The following CELF4 variants were observed in gnomAD, a reference collection of about 807,000 sequenced individuals.
CELF4 encodes CUGBP Elav-like family member 4.
CELF4 carries 18 observed loss-of-function variants against 59.9 expected under a neutral mutation model. The ratio of observed to expected loss-of-function variants is 0.30; its 90% confidence interval spans 0.21 to 0.45. CELF4 has a LOEUF of 0.45. Among genes scored for constraint, CELF4 ranks in the 20% least tolerant of loss-of-function variants. The probability of loss-of-function intolerance (pLI) is 1.00; values close to 1 mark genes in which losing one functional copy is unlikely to be tolerated. For missense variants in CELF4, 456 were observed against 689.0 expected, an observed-to-expected ratio of 0.66 and a Z score of 3.79; for synonymous variants, 261 against 267.1, an observed-to-expected ratio of 0.98 and a Z score of 0.22.
intron 1 of CELF4, among the ~76,000 whole-genome samples, chr18:37,486,602 C>T (rs903192610): frequency 6.6e-6 from 1 of 152,194 alleles, no homozygotes; most frequent in Non-Finnish European, 1.5e-5. Context: ...CTTGGGAGGC[C>T]TGCAAGGCTC....
chr18:37,419,231 T>C (rs982857571), intron 2 of CELF4, among the ~76,000 whole-genome samples: 1 of 152,206 alleles, frequency 6.6e-6, no homozygotes, highest in Non-Finnish European at 1.5e-5. Flanking sequence ...ATTACATGGA[T>C]TTTACAAATG....
At chr18:37,465,495 C>T (rs1159285766) in intron 2 of CELF4, among the ~76,000 whole-genome samples, 1 of 152,034 alleles carries the variant, frequency 6.6e-6, no homozygotes, top group African/African-American at 2.4e-5. Flanking sequence ...TGTACCAGCA[C>T]CTCAAAGGCC....
At chr18:37,458,279 A>G (rs1484691760) in intron 2 of CELF4, among the ~76,000 whole-genome samples, 1 of 152,114 alleles carries the variant, frequency 6.6e-6, no homozygotes, top group African/African-American at 2.4e-5. Context: ...TTCCACTGCC[A>G]TCCCTAGCAC....
chr18:37,320,122 G>T (rs1029360243), intron 3 of CELF4, among the ~76,000 whole-genome samples: 3 of 152,090 alleles, frequency 2.0e-5, no homozygotes, highest in Admixed American at 2.0e-4. Flanking sequence ...CAGATCACAA[G>T]GTCCGGAGAT....
chr18:37,389,203 C>T (rs754567441), intron 2 of CELF4, among the ~76,000 whole-genome samples: 25 of 152,138 alleles, frequency 1.6e-4, no homozygotes, highest in Non-Finnish European at 2.6e-4. Flanking sequence ...TCAGATGTGA[C>T]GAGATGGGGA....
chr18:37,356,657 G>C lies in CELF4; in HGVS notation c.370-34776C>G, dbSNP rs560349817. 2.0e-5 allele frequency among the ~76,000 whole-genome samples: 3 copies of C among 152,326 alleles called. No homozygotes were observed. In the South Asian group the frequency reaches 6.2e-4, roughly 32 times the overall value. ...CAACATCAACGAAGGGGCCCTCCTGGGCTGGCAGTGGCTATGCTTGACATC... is the reference window on the plus strand; with the variant it reads ...CAACATCAACGAAGGGGCCCTCCTGCGCTGGCAGTGGCTATGCTTGACATC... On this transcript the variant is annotated intron_variant, in intron 2 of 12. Transcript: ENST00000420428.
intron 3 of CELF4, among the ~76,000 whole-genome samples, chr18:37,319,578 T>G (rs1310371737): frequency 6.6e-6 from 1 of 152,190 alleles, no homozygotes; most frequent in Non-Finnish European, 1.5e-5. Context: ...ACTGAGGGGA[T>G]GAAGGAGTGT....
intron 2 of CELF4, among the ~76,000 whole-genome samples, chr18:37,435,683 G>A (rs954842353): frequency 2.6e-5 from 4 of 152,086 alleles, no homozygotes; most frequent in African/African-American, 7.2e-5. Context: ...ACCTCATCAC[G>A]TCCCAACAAG....
At chr18:37,371,030 G>A (rs936989508) in intron 2 of CELF4, among the ~76,000 whole-genome samples, 2 of 152,160 alleles carry the variant, frequency 1.3e-5, no homozygotes, top group Non-Finnish European at 2.9e-5. Flanking sequence ...TTGCCCGTGG[G>A]CACAGCAGCT....
chr18:37,297,779 T>G (rs1569545772), intron 3 of CELF4, among the ~76,000 whole-genome samples: 3 of 152,218 alleles, frequency 2.0e-5, no homozygotes, highest in Non-Finnish European at 4.4e-5. Context: ...GTTCTAAAAC[T>G]TCGTACATTA....
intron 2 of CELF4, among the ~76,000 whole-genome samples, chr18:37,338,987 G>A (rs377070420): frequency 7.2e-5 from 11 of 152,270 alleles, no homozygotes; most frequent in African/African-American, 2.2e-4. Flanking sequence ...CCATCGTTTG[G>A]GTCTCTGCAT....
chr18:37,461,888 T>C (rs1481681746), intron 2 of CELF4, among the ~76,000 whole-genome samples: 1 of 152,170 alleles, frequency 6.6e-6, no homozygotes, highest in Non-Finnish European at 1.5e-5. Context: ...GGATTGGAAT[T>C]AGAAGCTGCG....
rs2099249953 is a variant in CELF4 at position 37,396,730 on chromosome 18, G to A, written c.370-74849C>T. On this transcript the variant is annotated intron_variant, in intron 2 of 12. Transcript: ENST00000420428. Reference sequence around the variant, plus strand: ...CTGAGTCTATGATTGGGGTCAGTCTGGGATAGGAGATTTGGATTCTTTCCC... The same window carrying A: ...CTGAGTCTATGATTGGGGTCAGTCTAGGATAGGAGATTTGGATTCTTTCCC... Among the ~76,000 whole-genome samples the A allele has an allele frequency of 5.3e-5, 8 of 152,122 alleles. 2 individuals carry two copies. The highest frequency in any genetic ancestry group is 5.2e-4 in the Admixed American group (8 of 15,278).
chr18:37,487,273 C>T (rs548894794), intron 1 of CELF4, among the ~76,000 whole-genome samples: 2 of 152,280 alleles, frequency 1.3e-5, no homozygotes, highest in South Asian at 4.1e-4. Context: ...TTTCTGGCTT[C>T]AGAGAGGAGG....
In CELF4 at chr18:37,330,933, C is replaced by G. The variant is rs184299517; in HGVS notation, c.370-9052G>C. Among the ~76,000 whole-genome samples the G allele has an allele frequency of 2.6e-5, 4 of 152,250 alleles. No homozygotes were observed. In the East Asian group the frequency reaches 5.8e-4, roughly 22 times the overall value. On this transcript the variant is annotated intron_variant, in intron 2 of 12. Coordinates refer to ENST00000420428, the MANE Select transcript of CELF4 (RefSeq NM_020180.4). ...ATTTAGAGAGACAGCCAGTGAGCACCGACCAGACAGAAGAACCGGAGGTTA... is the reference window on the plus strand; with the variant it reads ...ATTTAGAGAGACAGCCAGTGAGCACGGACCAGACAGAAGAACCGGAGGTTA...
intron 2 of CELF4, among the ~76,000 whole-genome samples, chr18:37,356,876 GGT>G (rs2098596887): frequency 6.6e-6 from 1 of 152,108 alleles, no homozygotes; most frequent in Non-Finnish European, 1.5e-5. Flanking sequence ...CTTAGCCTCA[GGT>G]GTCCATGCCC....
intron 3 of CELF4, among the ~76,000 whole-genome samples, chr18:37,279,362 G>A (rs2093822326): frequency 6.6e-6 from 1 of 152,196 alleles, no homozygotes; most frequent in Admixed American, 6.5e-5. Flanking sequence ...AGCAACTGGA[G>A]GCTGGCATTA....
chr18:37,504,454 A>G (rs1183411094), intron 1 of CELF4, among the ~76,000 whole-genome samples: 1 of 101,344 alleles, frequency 9.9e-6, no homozygotes, highest in East Asian at 4.8e-4. Flanking sequence ...ACTCCATCTC[A>G]AAAAAAAAAA....
At chr18:37,348,681 AAAC>A (rs1024900532) in intron 2 of CELF4, among the ~76,000 whole-genome samples, 7 of 151,830 alleles carry the variant, frequency 4.6e-5, no homozygotes, top group South Asian at 2.1e-4. Context: ...CTATCCTCCA[AAAC>A]AACAACAACA....
Sources: gnomAD v4.1 joint callset for allele counts (sites outside exome capture counted in the v4.1 genomes callset) on GRCh38, gnomAD v4.1.1 for gene constraint, MANE v1.5 for transcripts, NCBI Gene and HGNC (gene_info 2026-07-23, HGNC 2026-07-21) for gene names.